CNTN3: variants seen among roughly 807,000 people sequenced by gnomAD.
CNTN3 encodes the protein contactin 3.
CNTN3 carries 60 observed loss-of-function variants against 119.1 expected under a neutral mutation model. That is an observed-to-expected ratio of 0.50 (90% CI 0.41 to 0.62). The LOEUF (loss-of-function observed/expected upper bound fraction) is 0.62, where lower values mean the gene tolerates loss of function less well. CNTN3 is among the 20% of genes least tolerant of loss of function. The pLI is 0.00. For synonymous variants in CNTN3, 450 were observed against 438.7 expected (o/e 1.03, Z -0.32); for missense variants, 1,101 against 1,242.4 (o/e 0.89, Z 1.71).
chr3:74,437,331 G>A (rs936910621), intron 4 of CNTN3, among the ~76,000 whole-genome samples: 12 of 151,892 alleles, frequency 7.9e-5, no homozygotes, highest in East Asian at 3.9e-4. Context: ...GTGTGGTGGC[G>A]GACACCTGTA....
At position 74,301,696 on chromosome 3, in the gene CNTN3, A is replaced by G; in HGVS notation, c.1896T>C (p.Ser632=). The G allele has an allele frequency of 6.2e-7, 1 of 1,614,128 alleles. No individual in the cohort carries two copies. Among genetic ancestry groups the G allele is most frequent in the Non-Finnish European group, 8.5e-7 (1 of 1,179,988 alleles). ...KDNHSPVISY[S]IQARTPFSVG... is the part of the protein sequence containing the mutation. ...CGGAGAAAGGTGTCCGAGCCTGGATAGAATAGGATATAACTGGGCTATGGT... is the reference window on the plus strand; with the variant it reads ...CGGAGAAAGGTGTCCGAGCCTGGATGGAATAGGATATAACTGGGCTATGGT... Residue 632 remains serine, a synonymous_variant, in exon 15 of 23, where the codon TCT becomes TCC. Transcript: ENST00000263665.
intron 5 of CNTN3, among the ~76,000 whole-genome samples, chr3:74,401,878 C>G (rs536560069): frequency 2.0e-5 from 3 of 152,266 alleles, no homozygotes; most frequent in South Asian, 4.1e-4. Flanking sequence ...AATAACCCAA[C>G]CTTTGTATCT....
At chr3:74,336,799 CAA>C (rs74266971) in intron 11 of CNTN3, 141 bp from the exon 12 acceptor site, 5,223 of 379,416 alleles carry the variant, frequency 0.014, no homozygotes, top group South Asian at 0.024. Context: ...TTTGGGAATA[CAA>C]AAAAAAAAAA....
chr3:74,434,731 G>A (rs535043227), intron 4 of CNTN3, among the ~76,000 whole-genome samples: 16 of 152,238 alleles, frequency 1.1e-4, no homozygotes, highest in Admixed American at 2.6e-4. Flanking sequence ...AAGATAACTC[G>A]TGTAAATTAC....
intron 4 of CNTN3, among the ~76,000 whole-genome samples, chr3:74,438,703 T>C (rs1053277258): frequency 1.3e-5 from 2 of 152,200 alleles, no homozygotes; most frequent in Non-Finnish European, 2.9e-5. Flanking sequence ...ACGAGAGTCT[T>C]AAAGCTCTTG....
chr3:74,336,277 A>T (rs775877282), intron 12 of CNTN3, among the ~76,000 whole-genome samples: 4 of 152,172 alleles, frequency 2.6e-5, no homozygotes, highest in Non-Finnish European at 5.9e-5. Context: ...GAATGAGATC[A>T]TCAACATATG....
At chr3:74,449,979 T>A (rs1340131788) in intron 4 of CNTN3, among the ~76,000 whole-genome samples, 1 of 152,180 alleles carries the variant, frequency 6.6e-6, no homozygotes, top group Non-Finnish European at 1.5e-5. Context: ...TAATTTGTTA[T>A]GATCATATGT....
At chr3:74,566,672 G>C (rs1704230682) in intron 1 of CNTN3, among the ~76,000 whole-genome samples, 1 of 152,252 alleles carries the variant, frequency 6.6e-6, no homozygotes, top group South Asian at 2.1e-4. Context: ...CCCTAATCCA[G>C]TAAACTCATC....
chr3:74,281,011 C>A (rs183892490), intron 20 of CNTN3, among the ~76,000 whole-genome samples: 1 of 152,076 alleles, frequency 6.6e-6, no homozygotes, highest in African/African-American at 2.4e-5. Context: ...TTTCGAGATA[C>A]AGGAAACAGT....
chr3:74,451,358 GTTGT>G (rs1379068454), intron 4 of CNTN3, among the ~76,000 whole-genome samples: 14 of 152,212 alleles, frequency 9.2e-5, no homozygotes, highest in East Asian at 7.7e-4. Flanking sequence ...TTTTGATGGG[GTTGT>G]TTGTTTTTTT....
At chr3:74,453,718 T>TC (rs1189636593) in intron 4 of CNTN3, among the ~76,000 whole-genome samples, 25 of 151,240 alleles carry the variant, frequency 1.7e-4, no homozygotes, top group Non-Finnish European at 2.7e-4. Context: ...ATGTTGTGTC[T>TC]TTGTTCTCGT....
intron 20 of CNTN3, among the ~76,000 whole-genome samples, chr3:74,281,853 T>C (rs755353888): frequency 6.6e-6 from 1 of 152,156 alleles, no homozygotes; most frequent in South Asian, 2.1e-4. Context: ...TTTATTAAAT[T>C]TGAGATCTTA....
At chr3:74,327,129 T>G (rs1261335180) in intron 13 of CNTN3, among the ~76,000 whole-genome samples, 2 of 143,942 alleles carry the variant, frequency 1.4e-5, no homozygotes, top group African/African-American at 5.2e-5. Flanking sequence ...TTTTTTTTTT[T>G]TTGTTTGTTT....
At chr3:74,608,745 A>T (rs1705032814) in intron 1 of CNTN3, among the ~76,000 whole-genome samples, 1 of 152,220 alleles carries the variant, frequency 6.6e-6, no homozygotes, top group South Asian at 2.1e-4. Flanking sequence ...TAGACTTTCT[A>T]TCTTTCCAGA....
intron 13 of CNTN3, among the ~76,000 whole-genome samples, chr3:74,311,123 A>G (rs1221759310): frequency 6.6e-6 from 1 of 152,220 alleles, no homozygotes; most frequent in Non-Finnish European, 1.5e-5. Context: ...TTGTGTCAGT[A>G]GCCTGTGTGT....
intron 1 of CNTN3, among the ~76,000 whole-genome samples, chr3:74,562,368 C>G (rs1240626439): frequency 1.3e-5 from 2 of 152,024 alleles, no homozygotes; most frequent in Admixed American, 6.6e-5. Flanking sequence ...GTTTTCTTCC[C>G]TTTTTAAATA....
At chr3:74,454,893 G>C (rs1702236323) in intron 4 of CNTN3, among the ~76,000 whole-genome samples, 1 of 152,136 alleles carries the variant, frequency 6.6e-6, no homozygotes, top group Non-Finnish European at 1.5e-5. Context: ...AGTCTGATGG[G>C]CTTCCCTTTG....
rs191367097 is a variant in CNTN3, at chr3:74,391,756, C to G, written c.455-20357G>C. Among the ~76,000 whole-genome samples, 653 of 152,070 alleles carry G rather than the reference C, an allele frequency of 4.3e-3. 5 individuals carry two copies. Among genetic ancestry groups the G allele is most frequent in the Middle Eastern group, 0.014 (4 of 294 alleles). ...CACTATAACCTCCACCTCCGGGGCT[C>G]AAGCGATTCTCCTGCCTTAGCCTCT... is the stretch of plus-strand genomic sequence containing the variant. On this transcript the variant is annotated intron_variant, in intron 5 of 22. Transcript: ENST00000263665.
rs200802057 is a variant in CNTN3 at position 74,299,205 on chromosome 3, C to CA, written c.2166+662dup. 6.2e-3 allele frequency among the ~76,000 whole-genome samples: 928 copies of CA among 149,314 alleles called. 4 individuals carry two copies. The highest frequency in any genetic ancestry group is 0.022 in the African/African-American group (888 of 40,672). On this transcript the variant is annotated intron_variant, in intron 17 of 22. Coordinates refer to ENST00000263665, the MANE Select transcript of CNTN3 (RefSeq NM_020872.3). The stretch of plus-strand genomic sequence containing the variant: ...ACTGGGCAACAGAGCAAGACTGTCT[C>CA]AAAAAAAAAGGAAAAAAATATTAAC...
Sources: gnomAD v4.1 joint callset for allele counts (sites outside exome capture counted in the v4.1 genomes callset) on GRCh38, gnomAD v4.1.1 for gene constraint, MANE v1.5 for transcripts, NCBI Gene and HGNC (gene_info 2026-07-23, HGNC 2026-07-21) for gene names.